Variants in MRPL23 observed in about 807,000 individuals in gnomAD.
MRPL23 encodes large ribosomal subunit protein uL23m.
For synonymous variants in MRPL23, 12 were observed against 34.8 expected (o/e 0.35, Z 2.30); for missense variants, 25 against 81.3 (o/e 0.31, Z 2.66).
At chr11:1,983,765 C>T (rs1371955306) in intron 5 of MRPL23, 1 of 145,746 alleles carries the variant, frequency 6.9e-6, no homozygotes, top group East Asian at 2.0e-4. Context: ...AGCCCGGAAC[C>T]TGAAGGCTCT....
At chr11:1,994,168 ATGG>A in the MRPL23 span, among the ~76,000 whole-genome samples, 1 of 65,942 alleles carries the variant, frequency 1.5e-5, no homozygotes, top group Admixed American at 1.5e-4. Flanking sequence ...TGCACTGGGA[ATGG>A]GGGTGGAAGG....
the MRPL23 span, among the ~76,000 whole-genome samples, chr11:1,994,308 C>G: frequency 3.1e-5 from 3 of 98,014 alleles, 1 homozygote; most frequent in South Asian, 1.2e-3. Context: ...AGGGAGCTGC[C>G]GGCCACTGGC....
the MRPL23 span, chr11:1,992,179 C>T: frequency 2.3e-5 from 2 of 88,830 alleles, no homozygotes; most frequent in Admixed American, 1.2e-4. Flanking sequence ...CTCCACAGCC[C>T]GGAAAGGCGG....
intron 4 of MRPL23, among the ~76,000 whole-genome samples, chr11:1,971,106 C>T (rs1206845937): frequency 6.9e-6 from 1 of 145,934 alleles, no homozygotes; most frequent in African/African-American, 2.4e-5. Context: ...CCGGCCTGGC[C>T]ACAGCCCTGC....
chr11:1,956,292 C>T lies in MRPL23; in HGVS notation c.334C>T (p.Pro112Ser). The change falls in exon 5 of 5, where the codon CCC becomes TCC. Residue 112 changes from proline (P) to serine (S), a missense_variant. Coordinates refer to ENST00000397298, the MANE Select transcript of MRPL23 (RefSeq NM_021134.4). ...GACCTTCACGTTCCCAGATCTGTTT[C>T]CCGAGAAAGACGAGAGCCCTGAAGG... ...GQTFTFPDLF[P>S]EKDESPEGSA... The T allele has an allele frequency of 1.9e-6, 3 of 1,546,838 alleles. No individual in the cohort carries two copies. Among genetic ancestry groups the T allele is most frequent in the Non-Finnish European group, 2.6e-6 (3 of 1,144,138 alleles).
chr11:1,959,282 G>T (rs1021058055), downstream of MRPL23, among the ~76,000 whole-genome samples: 1 of 73,360 alleles, frequency 1.4e-5, no homozygotes, highest in African/African-American at 4.3e-5. Flanking sequence ...CCCACTCAGG[G>T]TCTGGAAGGC....
chr11:1,992,695 C>CA, the MRPL23 span, among the ~76,000 whole-genome samples: 1 of 61,894 alleles, frequency 1.6e-5, no homozygotes, highest in African/African-American at 4.6e-5. Flanking sequence ...GGGGCGTTTT[C>CA]AAAGTGCCTT....
At chr11:1,993,527 CT>C in the MRPL23 span, 2 of 90,114 alleles carry the variant, frequency 2.2e-5, 1 homozygote, top group Non-Finnish European at 6.0e-5. Flanking sequence ...TACGGTTCCC[CT>C]GCCCCGCCAC....
chr11:1,991,658 CG>C, the MRPL23 span, among the ~76,000 whole-genome samples: 2 of 136,910 alleles, frequency 1.5e-5, 1 homozygote, highest in Non-Finnish European at 3.3e-5. Context: ...GAGACCCAGC[CG>C]GGGTCCAGGT....
At chr11:1,971,065 G>T (rs1452634417) in intron 4 of MRPL23, among the ~76,000 whole-genome samples, 1 of 143,314 alleles carries the variant, frequency 7.0e-6, no homozygotes, top group East Asian at 2.0e-4. Flanking sequence ...GCACCCTCAC[G>T]TCCACCACTC....
At chr11:1,988,918 C>A (rs563146884), downstream of MRPL23, among the ~76,000 whole-genome samples, 1 of 145,484 alleles carries the variant, frequency 6.9e-6, no homozygotes, top group African/African-American at 2.4e-5. Flanking sequence ...GCTTGCCCCA[C>A]AGACGGGCCT....
At chr11:1,991,937 G>T in the MRPL23 span, 8 of 112,616 alleles carry the variant, frequency 7.1e-5, no homozygotes, top group African/African-American at 2.3e-4. Context: ...TTCCTTCGTA[G>T]AGTTGGGATT....
intron 4 of MRPL23, among the ~76,000 whole-genome samples, chr11:1,971,180 G>A (rs1590056164): frequency 7.3e-6 from 1 of 137,424 alleles, no homozygotes; most frequent in African/African-American, 2.5e-5. Flanking sequence ...CATACTTCTC[G>A]CCATGCGTGG....
chr11:1,960,214 CCT>C (rs770296240), downstream of MRPL23, among the ~76,000 whole-genome samples: 4 of 51,902 alleles, frequency 7.7e-5, no homozygotes, highest in Non-Finnish European at 1.7e-4. Context: ...AGCAGAAACC[CCT>C]CTGTCTTCTG....
chr11:1,991,353 G>T, the MRPL23 span: 1 of 14,436 alleles, frequency 6.9e-5, no homozygotes, highest in African/African-American at 1.8e-4. Context: ...CGGGGTAGAG[G>T]GGGGAGAAAG....
At chr11:1,967,672 ACCCTGTGGGGGGG>A (rs899541736), downstream of MRPL23, among the ~76,000 whole-genome samples, 1 of 20,522 alleles carries the variant, frequency 4.9e-5, no homozygotes, top group African/African-American at 1.7e-4. Flanking sequence ...CCCTGAGGGG[ACCCTGTGGGGGGG>A]CCCTGTGGGG....
chr11:1,955,927 G>GCC, intron 4 of MRPL23: 1 of 10,626 alleles, frequency 9.4e-5, no homozygotes, highest in African/African-American at 9.2e-4. Flanking sequence ...CCTTGTTTCT[G>GCC]CCCCCCACCA....
Position 1,983,935 on chromosome 11 carries a change from A to G in MRPL23, c.498-503A>G, listed in dbSNP as rs1387201314. On this transcript the variant is annotated intron_variant, in intron 5 of 5. Transcript: ENST00000397297. ...CCCAGGACACTATCCCCGGGGGTCC[A>G]AGGCGGGTGGGGACCGCCCTCCCGA... 1.6e-5 allele frequency: 2 copies of G among 121,624 alleles called. 1 individual carries two copies. The highest frequency in any genetic ancestry group is 3.8e-5 in the Non-Finnish European group (2 of 53,288). 7.5% of individuals were successfully genotyped at this position (121,624 alleles called of 1,614,324 possible).
chr11:1,960,066 C>T (rs766429790), downstream of MRPL23, among the ~76,000 whole-genome samples: 1 of 112,726 alleles, frequency 8.9e-6, no homozygotes, highest in African/African-American at 3.0e-5. Context: ...GCCCTCGGGA[C>T]CGCACCGGGC....
Sources: gnomAD v4.1 joint callset for allele counts (sites outside exome capture counted in the v4.1 genomes callset) on GRCh38, gnomAD v4.1.1 for gene constraint, MANE v1.5 for transcripts, NCBI Gene and HGNC (gene_info 2026-07-23, HGNC 2026-07-21) for gene names.